Variants in EIF2AK4 observed in about 807,000 individuals in gnomAD.
EIF2AK4 encodes eIF-2-alpha kinase GCN2.
Under a neutral mutation model 211.1 loss-of-function variants are expected in EIF2AK4, and 139 were observed. The observed-to-expected ratio is 0.66, with a 90% CI of 0.57 to 0.76. EIF2AK4 has a LOEUF of 0.76. Ranked by LOEUF, EIF2AK4 falls within the 30% of genes least tolerant of loss-of-function variation. The pLI, the probability that EIF2AK4 is intolerant of heterozygous loss-of-function variation, is 0.00. For missense variants in EIF2AK4, 1,664 were observed against 2,043.8 expected (o/e 0.81, Z 3.58); for synonymous variants, 710 against 751.3 (o/e 0.94, Z 0.90).
At chr15:40,000,217 A>G (rs186296780) in intron 20 of EIF2AK4, among the ~76,000 whole-genome samples, 2 of 152,284 alleles carry the variant, frequency 1.3e-5, no homozygotes, top group African/African-American at 4.8e-5. Context: ...TAATACTCCT[A>G]TATCCCATAC....
chr15:40,025,151 TAGAG>T (rs1169307179), intron 32 of EIF2AK4, among the ~76,000 whole-genome samples: 1 of 152,108 alleles, frequency 6.6e-6, no homozygotes, highest in Non-Finnish European at 1.5e-5. Context: ...GTCCCAAAGA[TAGAG>T]GCAGGCCAGC....
chr15:39,957,638 G>A (rs2034409510), intron 6 of EIF2AK4, among the ~76,000 whole-genome samples: 1 of 136,302 alleles, frequency 7.3e-6, no homozygotes, highest in Non-Finnish European at 1.8e-5. Context: ...TTTGGAATGT[G>A]AGGTCTGTGA....
intron 1 of EIF2AK4, among the ~76,000 whole-genome samples, chr15:39,935,533 GT>G (rs1158815889): frequency 4.6e-5 from 7 of 152,166 alleles, no homozygotes. Flanking sequence ...GTCTTGCTCT[GT>G]TGCCCGGGCT....
At chr15:40,004,204 A>C (rs1399301885) in intron 23 of EIF2AK4, among the ~76,000 whole-genome samples, 1 of 152,216 alleles carries the variant, frequency 6.6e-6, no homozygotes. Flanking sequence ...GTTTATAATA[A>C]AACTTTAAAA....
At position 40,019,162 on chromosome 15, in the gene EIF2AK4, G is replaced by T; in HGVS notation, c.4135G>T (p.Asp1379Tyr). The T allele has an allele frequency of 6.2e-7, 1 of 1,604,190 alleles. No homozygotes were observed. Among genetic ancestry groups the T allele is most frequent in the Non-Finnish European group, 8.5e-7 (1 of 1,175,318 alleles). Reference protein sequence around the residue: ...PTAIGVSIAIDKISAAVLNME... With the variant: ...PTAIGVSIAIYKISAAVLNME... ...TGCCATTGGGGTCAGCATAGCTATA[G>T]ACAAGATATCTGCTGCTGTCCTCAA... The change falls in exon 30 of 39, where the codon GAC (aspartate) becomes TAC (tyrosine). Residue 1379 changes from aspartate (D) to tyrosine (Y), a missense_variant. Around this residue, in one of 7 missense-constraint regions of EIF2AK4, gnomAD observed 622 missense variants for 796.8 expected, o/e 0.78. Coordinates refer to ENST00000263791, the MANE Select transcript of EIF2AK4 (RefSeq NM_001013703.4).
intron 25 of EIF2AK4, among the ~76,000 whole-genome samples, chr15:40,009,170 G>A (rs73390610): frequency 0.027 from 4,027 of 151,552 alleles, 181 homozygotes; most frequent in African/African-American, 0.093. Flanking sequence ...CAGCTCACTA[G>A]CCCCTACCTT....
chr15:39,972,955 T>C lies in EIF2AK4; in HGVS notation c.1601T>C (p.Leu534Ser). Residue 534 changes from leucine to serine, a missense_variant, in exon 10 of 39, where the codon TTG becomes TCG. Coordinates refer to ENST00000263791, the MANE Select transcript of EIF2AK4 (RefSeq NM_001013703.4). ...DKERWSPQQL[L>S]KHSFINPQPK... ...GAAAGATGGAGTCCCCAGCAGTTGT[T>C]GAAACACAGCTTTATAAATCCCCAG... 6.2e-7 allele frequency: 1 copy of C among 1,614,068 alleles called. No individual in the cohort carries two copies.
intron 3 of EIF2AK4, chr15:39,946,884 A>T (rs2140900793): frequency 1.8e-6 from 1 of 551,940 alleles, no homozygotes. Flanking sequence ...AAAGTATTTT[A>T]AAATTAAGGT....
intron 18 of EIF2AK4, among the ~76,000 whole-genome samples, 182 bp downstream of exon 18, chr15:39,993,030 G>GTCCATCCA (rs1199022740): frequency 1.1e-3 from 158 of 146,680 alleles, no homozygotes; most frequent in East Asian, 6.7e-3. Context: ...GGAGCTTACA[G>GTCCATCCA]TCCATCCATC....
chr15:39,994,861 G>A (rs2034998663), intron 18 of EIF2AK4, among the ~76,000 whole-genome samples: 1 of 151,952 alleles, frequency 6.6e-6, no homozygotes, highest in Non-Finnish European at 1.5e-5. Flanking sequence ...ATTATTTTGA[G>A]ATGGAGTCTT....
At chr15:39,957,579 T>A (rs936184544) in intron 6 of EIF2AK4, among the ~76,000 whole-genome samples, 18 of 152,188 alleles carry the variant, frequency 1.2e-4, no homozygotes, top group African/African-American at 4.3e-4. Context: ...TCTGCTTTAT[T>A]TTTTACATAA....
chr15:39,968,573 G>T (rs2034576616), intron 9 of EIF2AK4, among the ~76,000 whole-genome samples: 1 of 152,210 alleles, frequency 6.6e-6, no homozygotes, highest in Admixed American at 6.5e-5. Flanking sequence ...GATCCCTTCA[G>T]TCTGGATTTT....
In EIF2AK4 at chr15:40,008,152, T is replaced by C. The variant is rs1203828304; in HGVS notation, c.3533T>C (p.Ile1178Thr). 6.2e-7 allele frequency: 1 copy of C among 1,612,158 alleles called. No homozygotes were observed. Residue 1178 changes from isoleucine (I) to threonine (T), a missense_variant, in exon 25 of 39, where the codon ATC becomes ACC. Transcript: ENST00000263791. Reference sequence around the variant, plus strand: ...AGCTTTCTGCCCACTGCTGAAATTATCTACACTATCTATGAAATCATCCAA... The same window carrying C: ...AGCTTTCTGCCCACTGCTGAAATTACCTACACTATCTATGAAATCATCCAA... ...TNSFLPTAEI[I>T]YTIYEIIQEF...
At chr15:39,964,505 G>A (rs1240086680) in intron 7 of EIF2AK4, among the ~76,000 whole-genome samples, 1 of 152,064 alleles carries the variant, frequency 6.6e-6, no homozygotes, top group Non-Finnish European at 1.5e-5. Context: ...TACCAGGATT[G>A]CTGCTAAAAT....
chr15:39,973,778 T>A, intron 11 of EIF2AK4, 29 bp downstream of exon 11: 1 of 1,610,822 alleles, frequency 6.2e-7, no homozygotes. Flanking sequence ...CCCAGTCCCC[T>A]TTAGAGCTCC....
At chr15:39,981,733 AT>A (rs2034790819) in intron 13 of EIF2AK4, among the ~76,000 whole-genome samples, 1 of 152,198 alleles carries the variant, frequency 6.6e-6, no homozygotes, top group African/African-American at 2.4e-5. Flanking sequence ...AAGTATTCAA[AT>A]ACATCTATTG....
At chr15:40,021,365 T>C (rs2035384699) in intron 31 of EIF2AK4, among the ~76,000 whole-genome samples, 2 of 152,168 alleles carry the variant, frequency 1.3e-5, no homozygotes, top group African/African-American at 4.8e-5. Context: ...CATGGCCTCT[T>C]CCTCCATCAT....
At chr15:40,027,889 C>CA (rs34237730) in intron 33 of EIF2AK4, among the ~76,000 whole-genome samples, 37,480 of 129,724 alleles carry the variant, frequency 0.29, 5,650 homozygotes, top group Non-Finnish European at 0.38. Context: ...GACTCTGTCT[C>CA]AAAAAAAAAA....
chr15:39,983,045 C>T (rs969586367), intron 13 of EIF2AK4, among the ~76,000 whole-genome samples: 9 of 152,180 alleles, frequency 5.9e-5, no homozygotes, highest in Non-Finnish European at 8.8e-5. Context: ...ATTTATAATC[C>T]TTTGGGTATA....
Sources: allele counts gnomAD v4.1 joint callset (sites outside exome capture counted in the v4.1 genomes callset), GRCh38; gene constraint gnomAD v4.1.1; regional missense constraint gnomAD v4.1.1; transcripts MANE v1.5; gene names NCBI Gene and HGNC (gene_info 2026-07-23, HGNC 2026-07-21).